Variants in ALK observed in about 807,000 individuals in gnomAD.
ALK encodes ALK tyrosine kinase receptor.
A neutral mutation model predicts 163.1 loss-of-function variants in ALK; 74 were observed. The ratio of observed to expected loss-of-function variants is 0.45; its 90% CI spans 0.38 to 0.55. The LOEUF is 0.55. Ranked by LOEUF, ALK falls within the 20% of genes least tolerant of loss-of-function variation. The pLI is 0.00. For synonymous variants in ALK, 960 were observed against 843.2 expected (o/e 1.14, Z -2.40); for missense variants, 2,063 against 2,105.3 (o/e 0.98, Z 0.39).
At chr2:29,362,218 G>C (rs909499885) in intron 5 of ALK, among the ~76,000 whole-genome samples, 1 of 152,178 alleles carries the variant, frequency 6.6e-6, no homozygotes, top group Non-Finnish European at 1.5e-5. Flanking sequence ...TACAGGAGAA[G>C]GACGGGAGGT....
chr2:29,571,280 G>T lies in ALK; in HGVS notation c.953-39164C>A, dbSNP rs534655266. On this transcript the variant is annotated intron_variant, in intron 3 of 28. Coordinates refer to ENST00000389048, the MANE Select transcript of ALK (RefSeq NM_004304.5). ...AGTTTATAGACTAGTGATGTGGTTTGGTTCTGTGTCCCCACCCAAATCTCA... is the reference window on the plus strand; with the variant it reads ...AGTTTATAGACTAGTGATGTGGTTTTGTTCTGTGTCCCCACCCAAATCTCA... Among the ~76,000 whole-genome samples the T allele has an allele frequency of 2.0e-5, 3 of 152,254 alleles. No individual in the cohort carries two copies. In the East Asian group the frequency reaches 5.8e-4, roughly 29 times the overall value.
chr2:29,359,136 G>A (rs543811355), intron 5 of ALK, among the ~76,000 whole-genome samples: 5 of 152,186 alleles, frequency 3.3e-5, no homozygotes, highest in African/African-American at 1.2e-4. Context: ...AATCTTCTAG[G>A]TATATCTAAA....
intron 1 of ALK, chr2:29,899,771 A>C (rs1159432641): frequency 2.6e-5 from 4 of 151,916 alleles, no homozygotes; most frequent in Admixed American, 6.6e-5. Context: ...GGTTGCAGTG[A>C]GCTGAGATAA....
At chr2:29,592,199 G>T (rs1374102897) in intron 3 of ALK, among the ~76,000 whole-genome samples, 2 of 152,080 alleles carry the variant, frequency 1.3e-5, no homozygotes, top group Non-Finnish European at 2.9e-5. Context: ...CTGCGGGTCT[G>T]ACTCTCATAT....
chr2:29,232,097 A>G (rs1664226376), intron 15 of ALK, among the ~76,000 whole-genome samples: 2 of 152,148 alleles, frequency 1.3e-5, no homozygotes, highest in African/African-American at 4.8e-5. Context: ...GTGACCTTCT[A>G]CAAGTCCAAG....
In ALK at chr2:29,705,240, AATATAT is replaced by A. The variant is rs1172702963; in HGVS notation, c.788-10232_788-10227del. Among the ~76,000 whole-genome samples the A allele has an allele frequency of 8.5e-4, 40 of 47,162 alleles. 1 individual carries two copies. Among genetic ancestry groups the A allele is most frequent in the Admixed American group, 1.7e-3 (5 of 2,884 alleles). The allele number at this position is 47,162 out of a possible 152,430, so 30.9% of individuals were successfully genotyped here. ...CTCAACAAAAAAAGAAAAGAAAAGA[AATATAT>A]ATATATATATATATATATATATATA... On this transcript the variant is annotated intron_variant, in intron 2 of 28. Transcript: ENST00000389048.
Position 29,830,712 on chromosome 2 carries a change from T to TAAAA in ALK, c.667+89280_667+89281insTTTT, listed in dbSNP as rs1665344950. 3.9e-4 allele frequency among the ~76,000 whole-genome samples: 25 copies of TAAAA among 63,522 alleles called. 5 individuals carry two copies. Among genetic ancestry groups the TAAAA allele is most frequent in the South Asian group, 1.4e-3 (2 of 1,424 alleles). 41.7% of individuals were successfully genotyped at this position (63,522 alleles called of 152,430 possible). On this transcript the variant is annotated intron_variant, in intron 1 of 28. Transcript: ENST00000389048. ...AGCAAGACCCTGTCTCTAAAATAGT[T>TAAAA]TAAAAAAAAAAAAAAAAAAAAAAAA...
rs2148178564 is a variant in ALK at position 29,227,015 on chromosome 2, C to G, written c.2974G>C (p.Val992Leu). Residue 992 changes from valine (V) to leucine (L), a missense_variant, in exon 18 of 29, where the codon GTA becomes CTA. Physicochemically the swap from Val to Leu is conservative, Grantham distance 32. Coordinates refer to ENST00000389048, the MANE Select transcript of ALK (RefSeq NM_004304.5). The surrounding 1 kb of genome is among the most constrained non-coding windows in gnomAD (Gnocchi z 4.4). ...TCAGGGTCCATGTGACATTCGTCTA[C>G]CTCACAGTGACTGCAGTTTAGATAA... Reference protein sequence around the residue: ...KHYLNCSHCEVDECHMDPESH... With the variant: ...KHYLNCSHCELDECHMDPESH... The G allele has an allele frequency of 6.2e-7, 1 of 1,614,176 alleles. No individual in the cohort carries two copies. The highest frequency in any genetic ancestry group is 8.5e-7 in the Non-Finnish European group (1 of 1,180,044).
At chr2:29,350,569 T>C (rs1056126112) in intron 5 of ALK, among the ~76,000 whole-genome samples, 7 of 152,204 alleles carry the variant, frequency 4.6e-5, no homozygotes, top group African/African-American at 1.7e-4. Flanking sequence ...TCTAGGCTTC[T>C]CAGTGGTGCT....
chr2:29,225,335 C>A, intron 19 of ALK, 126 bp downstream of exon 19: 3 of 912,894 alleles, frequency 3.3e-6, no homozygotes, highest in Non-Finnish European at 5.1e-6. Flanking sequence ...GCCCTAATCA[C>A]CACCCCACCC....
In ALK at chr2:29,826,489, T is replaced by A. The variant is rs556010377; in HGVS notation, c.667+93504A>T. ...AGACAATCTTAGGTCTTTACCAGTCTCTCTCTCTCTGTCTCTTTATGTGTC... is the reference window on the plus strand; with the variant it reads ...AGACAATCTTAGGTCTTTACCAGTCACTCTCTCTCTGTCTCTTTATGTGTC... On this transcript the variant is annotated intron_variant, in intron 1 of 28. Transcript: ENST00000389048. 2.6e-5 allele frequency among the ~76,000 whole-genome samples: 4 copies of A among 151,806 alleles called. No individual in the cohort carries two copies. The South Asian group carries it at 8.3e-4, about 32-fold the overall frequency.
At chr2:29,251,412 A>G in intron 11 of ALK, 145 bp from the exon 12 acceptor site, 4 of 805,926 alleles carry the variant, frequency 5.0e-6, no homozygotes, top group Non-Finnish European at 6.0e-6. Context: ...AGAAACACCA[A>G]TCAGCCATCG....
At chr2:29,522,500 C>T (rs547213394) in intron 4 of ALK, among the ~76,000 whole-genome samples, 31 of 152,318 alleles carry the variant, frequency 2.0e-4, no homozygotes, top group Admixed American at 9.8e-4. Context: ...CATTCTCTCC[C>T]TGTCTTTCAT....
At position 29,193,631 on chromosome 2, in the gene ALK, G is replaced by T. The variant is rs2148138263; in HGVS notation, c.4456C>A (p.Pro1486Thr). 1.2e-6 allele frequency: 2 copies of T among 1,614,258 alleles called. No individual in the cohort carries two copies. Among genetic ancestry groups the T allele is most frequent in the Non-Finnish European group, 1.7e-6 (2 of 1,180,048 alleles). Reference protein sequence around the residue: ...VNMAFSQSNPPSELHKVHGSR... With the variant: ...VNMAFSQSNPTSELHKVHGSR... ...CCGTGGACCTTGTGCAACTCCGAAG[G>T]AGGGTTGGACTGAGAGAATGCCATA... Residue 1486 changes from proline (P) to threonine (T), a missense_variant, in exon 29 of 29, where the codon CCT (proline) becomes ACT (threonine). Coordinates refer to ENST00000389048, the MANE Select transcript of ALK (RefSeq NM_004304.5).
chr2:29,265,586 A>C (rs1229428752), intron 11 of ALK, among the ~76,000 whole-genome samples: 4 of 152,222 alleles, frequency 2.6e-5, no homozygotes, highest in Admixed American at 6.5e-5. Context: ...TTTTTCCTAG[A>C]ATATGATCAT....
In ALK at chr2:29,284,457, A is replaced by G. The variant is rs973277654; in HGVS notation, c.1818-8961T>C. 5.3e-5 allele frequency among the ~76,000 whole-genome samples: 8 copies of G among 152,342 alleles called. No individual in the cohort carries two copies. In the South Asian group the frequency reaches 1.7e-3, roughly 32 times the overall value. ...GGCTACATTTTCCGAGACATTAAGA[A>G]TTATGAAAAACATACACATCTGTTG... On this transcript the variant is annotated intron_variant, in intron 9 of 28. Coordinates refer to ENST00000389048, the MANE Select transcript of ALK (RefSeq NM_004304.5).
intron 1 of ALK, among the ~76,000 whole-genome samples, chr2:29,803,020 A>G (rs1664525103): frequency 6.6e-6 from 1 of 152,242 alleles, no homozygotes; most frequent in Non-Finnish European, 1.5e-5. Flanking sequence ...AGTAGTTACA[A>G]TGTATTCAAA....
At chr2:29,580,050 C>T (rs902588433) in intron 3 of ALK, among the ~76,000 whole-genome samples, 4 of 152,276 alleles carry the variant, frequency 2.6e-5, no homozygotes, top group African/African-American at 9.6e-5. Flanking sequence ...GAATTTATAA[C>T]GCAGAAATTG....
chr2:29,727,957 G>A (rs1455495377), intron 1 of ALK, among the ~76,000 whole-genome samples: 1 of 152,178 alleles, frequency 6.6e-6, no homozygotes, highest in Non-Finnish European at 1.5e-5. Flanking sequence ...TTCACTCGAA[G>A]TCATCTCGTT....
Sources: allele counts gnomAD v4.1 joint callset (sites outside exome capture counted in the v4.1 genomes callset), GRCh38; gene constraint gnomAD v4.1.1; non-coding constraint Gnocchi (gnomAD v3.1); transcripts MANE v1.5; gene names NCBI Gene and HGNC (gene_info 2026-07-23, HGNC 2026-07-21).